PDS5A: variants seen among roughly 807,000 people sequenced by gnomAD.
The protein encoded by PDS5A is sister chromatid cohesion protein PDS5 homolog A.
PDS5A carries 42 observed loss-of-function variants against 167.1 expected under a neutral mutation model. That is an observed-to-expected ratio of 0.25 (90% CI 0.20 to 0.33). The LOEUF (loss-of-function observed/expected upper bound fraction) is 0.33, where lower values mean the gene tolerates loss of function less well. Among genes scored for constraint, PDS5A ranks in the 10% least tolerant of loss-of-function variants. PDS5A has a pLI of 1.00. For synonymous variants in PDS5A, 553 were observed against 554.6 expected, an observed-to-expected ratio of 1.00 and a Z score of 0.04; for missense variants, 1,033 against 1,605.9, an observed-to-expected ratio of 0.64 and a Z score of 6.10.
intron 28 of PDS5A, 140 bp from the exon 29 acceptor site, chr4:39,846,020 CAAACAATCA>C (rs1425653709): frequency 2.8e-6 from 2 of 715,534 alleles, no homozygotes; most frequent in East Asian, 7.7e-5. Flanking sequence ...ACCAATTTAT[CAAACAATCA>C]AAACAATCAA....
chr4:39,933,025 G>A (rs543178005), intron 2 of PDS5A: 13 of 152,242 alleles, frequency 8.5e-5, no homozygotes, highest in Middle Eastern at 3.1e-3. Flanking sequence ...AAAATTAGCC[G>A]GGCATGGTGG....
chr4:39,971,607 G>A (rs1730544908), intron 2 of PDS5A, among the ~76,000 whole-genome samples: 1 of 151,908 alleles, frequency 6.6e-6, no homozygotes, highest in Non-Finnish European at 1.5e-5. Context: ...TTACAGAGGT[G>A]TGCCACCACA....
In PDS5A at chr4:39,913,993, A is replaced by G. The variant is rs571026398; in HGVS notation, c.877-267T>C. On this transcript the variant is annotated intron_variant, in intron 8 of 32. Transcript: ENST00000303538. ...TGCATTCTATACATTGGTTATGGAC[A>G]CTGTACAAATATGAGACATACAATT... Among the ~76,000 whole-genome samples, 8 of 152,278 alleles carry G rather than the reference A, an allele frequency of 5.3e-5. No individual in the cohort carries two copies. In the East Asian group the frequency reaches 1.5e-3, roughly 29 times the overall value.
chr4:39,920,302 TAGAA>T lies in PDS5A; in HGVS notation c.735+13_735+16del, dbSNP rs781762822. The T allele has an allele frequency of 1.2e-5, 13 of 1,097,252 alleles. No individual in the cohort carries two copies. The highest frequency in any genetic ancestry group is 1.7e-5 in the Non-Finnish European group (13 of 743,472). The allele number at this position is 1,097,252 out of a possible 1,614,324, so 68.0% of individuals were successfully genotyped here. ...AGAATTACAAAATATAGAATAAACA[TAGAA>T]AGAAATACATACATTAGCAATGCAT... On this transcript the variant is annotated intron_variant, in intron 7 of 32. Transcript: ENST00000303538.
intron 7 of PDS5A, among the ~76,000 whole-genome samples, chr4:39,919,326 G>A (rs1052052551): frequency 2.0e-5 from 3 of 152,124 alleles, no homozygotes; most frequent in African/African-American, 7.2e-5. Context: ...GTCAAAATAC[G>A]TAAATACAAA....
intron 15 of PDS5A, 91 bp downstream of exon 15, chr4:39,898,686 T>G (rs1014734299): frequency 3.1e-6 from 3 of 957,010 alleles, no homozygotes; most frequent in Non-Finnish European, 4.7e-6. Context: ...TATTTTCTTT[T>G]ACTTAACATT....
intron 17 of PDS5A, among the ~76,000 whole-genome samples, chr4:39,881,754 C>T (rs966833488): frequency 6.6e-6 from 1 of 152,196 alleles, no homozygotes; most frequent in Non-Finnish European, 1.5e-5. Context: ...AAACACTTGC[C>T]TATTCTGAAC....
intron 17 of PDS5A, among the ~76,000 whole-genome samples, chr4:39,886,475 A>C (rs1721485353): frequency 6.6e-6 from 1 of 152,132 alleles, no homozygotes; most frequent in African/African-American, 2.4e-5. Flanking sequence ...GCACTTTGGG[A>C]GGCCGAAGTG....
chr4:39,946,714 A>C (rs1254796882), intron 2 of PDS5A, among the ~76,000 whole-genome samples: 1 of 152,144 alleles, frequency 6.6e-6, no homozygotes, highest in Admixed American at 6.6e-5. Context: ...CAGGAGTTCG[A>C]GACCAGCCTG....
chr4:39,908,329 G>A (rs1327343318), intron 11 of PDS5A, 66 bp downstream of exon 11: 7 of 1,179,616 alleles, frequency 5.9e-6, no homozygotes, highest in African/African-American at 1.5e-5. Context: ...AACAGAAAAT[G>A]ATACCCAATT....
intron 21 of PDS5A, 97 bp downstream of exon 21, chr4:39,872,884 TAAAAG>T (rs1720169637): frequency 1.7e-6 from 1 of 586,866 alleles, no homozygotes; most frequent in Non-Finnish European, 2.7e-6. Context: ...TAGAATAATT[TAAAAG>T]AAAAAGAGAA....
intron 23 of PDS5A, among the ~76,000 whole-genome samples, chr4:39,865,984 A>G (rs1352633059): frequency 2.0e-5 from 3 of 152,250 alleles, no homozygotes; most frequent in Non-Finnish European, 4.4e-5. Context: ...TGGCAATTTT[A>G]GAGATTAAAA....
At chr4:39,924,767 T>G (rs1485451514) in intron 5 of PDS5A, among the ~76,000 whole-genome samples, 1 of 152,220 alleles carries the variant, frequency 6.6e-6, no homozygotes, top group Non-Finnish European at 1.5e-5. Context: ...TGTTTGCATA[T>G]AATGTAATGC....
At chr4:39,944,694 C>CAAAAAAAAAAAAAAAAAAAAAAAAAAAA (rs373241104) in intron 2 of PDS5A, among the ~76,000 whole-genome samples, 1 of 86,112 alleles carries the variant, frequency 1.2e-5, no homozygotes, top group African/African-American at 3.8e-5. Context: ...AACTCCATCT[C>CAAAAAAAAAAAAAAAAAAAAAAAAAAAA]AAAAAAAAAA....
chr4:39,917,663 C>T (rs1008968679), intron 7 of PDS5A, among the ~76,000 whole-genome samples: 7 of 152,060 alleles, frequency 4.6e-5, no homozygotes, highest in African/African-American at 1.7e-4. Context: ...CAACTTCCAC[C>T]TCCGAGGTTC....
chr4:39,908,884 A>G lies in PDS5A; in HGVS notation c.1088-344T>C, dbSNP rs116132341. 3.5e-3 allele frequency: 706 copies of G among 203,012 alleles called. 8 individuals are homozygous for G. Among genetic ancestry groups the G allele is most frequent in the African/African-American group, 0.016 (662 of 42,136 alleles). 12.6% of individuals were successfully genotyped at this position (203,012 alleles called of 1,614,324 possible). A position where few individuals can be genotyped will look rare whatever the true frequency, so the allele number is the denominator to read the frequency against. On this transcript the variant is annotated intron_variant, in intron 10 of 32. Transcript: ENST00000303538. ...TCTACGAAAATTACCAAATAAAAAA[A>G]CTCATTAGCCAGAAGTGTAGTGGCC...
intron 2 of PDS5A, among the ~76,000 whole-genome samples, chr4:39,961,543 G>A (rs564243861): frequency 6.6e-6 from 1 of 152,254 alleles, no homozygotes; most frequent in East Asian, 1.9e-4. Flanking sequence ...TTACAAGTAT[G>A]AGCCACCGTG....
chr4:39,968,486 GCAAT>G (rs1295501975), intron 2 of PDS5A, among the ~76,000 whole-genome samples: 1 of 149,730 alleles, frequency 6.7e-6, no homozygotes, highest in Non-Finnish European at 1.5e-5. Context: ...AGGCTGGAGT[GCAAT>G]GGCACCATGT....
intron 2 of PDS5A, among the ~76,000 whole-genome samples, chr4:39,975,447 C>T (rs976557095): frequency 2.0e-5 from 3 of 152,222 alleles, no homozygotes; most frequent in Non-Finnish European, 4.4e-5. Flanking sequence ...CCAAGTGGCC[C>T]AAGGTGGAAA....
Sources: gnomAD v4.1 joint callset for allele counts (sites outside exome capture counted in the v4.1 genomes callset) on GRCh38, gnomAD v4.1.1 for gene constraint, MANE v1.5 for transcripts, NCBI Gene and HGNC (gene_info 2026-07-23, HGNC 2026-07-21) for gene names.